Variants in BDH1 observed in about 807,000 individuals in gnomAD.
BDH1 encodes the protein 3-hydroxybutyrate dehydrogenase 1.
Under a neutral mutation model 33.1 loss-of-function variants are expected in BDH1, and 30 were observed. The ratio of observed to expected loss-of-function variants is 0.91; its 90% CI spans 0.68 to 1.23. BDH1 has a LOEUF of 1.23. BDH1 is among the 50% of genes most tolerant of loss of function. BDH1 has a pLI of 0.00. For missense variants in BDH1, 443 were observed against 464.4 expected, an observed-to-expected ratio of 0.95 and a Z score of 0.42; for synonymous variants, 190 against 183.6, an observed-to-expected ratio of 1.03 and a Z score of -0.28.
chr3:197,567,576 G>T (rs1489421499), intron 1 of BDH1, among the ~76,000 whole-genome samples: 1 of 152,152 alleles, frequency 6.6e-6, no homozygotes, highest in Non-Finnish European at 1.5e-5. Context: ...TCTCTAAAAT[G>T]TATAAAACCA....
rs1011724469 is a variant in BDH1 at position 197,542,985 on chromosome 3, C to A, written c.83+3376G>T. ...CTGTGGAAGAGCCTGCTGTCCTCAG[C>A]GCCCTGGTCATCCCGGCCGCATTTG... On this transcript the variant is annotated intron_variant, in intron 3 of 7. Transcript: ENST00000392379. 6.1e-6 allele frequency: 6 copies of A among 985,248 alleles called. No individual in the cohort carries two copies. In the Admixed American group the frequency reaches 1.8e-4, roughly 30 times the overall value. The allele number at this position is 985,248 out of a possible 1,614,324, so 61.0% of individuals were successfully genotyped here.
intron 3 of BDH1, chr3:197,546,058 A>G (rs6770889): frequency 0.31 from 66,242 of 213,348 alleles, 10,757 homozygotes; most frequent in Middle Eastern, 0.42. Context: ...AATCACTTGA[A>G]CCCAGGAGGC....
chr3:197,545,086 T>A (rs1385039398), intron 3 of BDH1, among the ~76,000 whole-genome samples: 1 of 152,202 alleles, frequency 6.6e-6, no homozygotes, highest in Admixed American at 6.5e-5. Flanking sequence ...ATCAGTGTTC[T>A]AGATCCTGGG....
chr3:197,536,262 T>C (rs7649797), intron 3 of BDH1, among the ~76,000 whole-genome samples: 8,891 of 152,282 alleles, frequency 0.058, 322 homozygotes, highest in African/African-American at 0.075. Context: ...ATTTTCTATT[T>C]TGATTCATTG....
rs919213448 is a variant in BDH1, at chr3:197,528,688, G to A, written c.267+3724C>T. 1.3e-5 allele frequency: 2 copies of A among 152,212 alleles called. No homozygotes were observed. Among genetic ancestry groups the A allele is most frequent in the African/African-American group, 4.8e-5 (2 of 41,452 alleles). 9.4% of individuals were successfully genotyped at this position (152,212 alleles called of 1,614,324 possible). A position where few individuals can be genotyped will look rare whatever the true frequency, so the allele number is the denominator to read the frequency against. ...ACAGATATAACCTGCCAATGAGCTT[G>A]TCTGGTACTTTCTTCAAAATACCAG... On this transcript the variant is annotated intron_variant, in intron 5 of 7. Coordinates refer to ENST00000392379, the MANE Select transcript of BDH1 (RefSeq NM_203314.3). This position sits in a 1 kb window ranked among gnomAD's most constrained non-coding sequence, Gnocchi z 5.1.
chr3:197,571,403 T>C (rs1456828798), intron 1 of BDH1, among the ~76,000 whole-genome samples: 2 of 152,142 alleles, frequency 1.3e-5, no homozygotes, highest in Non-Finnish European at 2.9e-5. Context: ...TGGAATGATA[T>C]GGTTTGACTC....
chr3:197,550,788 G>T (rs748896900), intron 2 of BDH1, among the ~76,000 whole-genome samples: 1 of 152,118 alleles, frequency 6.6e-6, no homozygotes, highest in Non-Finnish European at 1.5e-5. Context: ...AGCAGCAGCC[G>T]CCTCCCATCT....
intron 1 of BDH1, among the ~76,000 whole-genome samples, chr3:197,570,312 G>A (rs554459193): frequency 1.2e-3 from 177 of 152,334 alleles, no homozygotes; most frequent in African/African-American, 4.1e-3. Context: ...GCAGCCTGAC[G>A]CAATACAAAA....
At chr3:197,568,789 G>A (rs1008180038) in intron 1 of BDH1, among the ~76,000 whole-genome samples, 3 of 151,398 alleles carry the variant, frequency 2.0e-5, no homozygotes, top group Non-Finnish European at 2.9e-5. Flanking sequence ...TGCCCATCCT[G>A]CCCTAAGCTA....
chr3:197,549,823 C>T (rs899542197), intron 2 of BDH1, among the ~76,000 whole-genome samples: 5 of 152,170 alleles, frequency 3.3e-5, no homozygotes, highest in Admixed American at 6.5e-5. Context: ...AACTAGGCAG[C>T]TAAGCTATGC....
chr3:197,550,355 A>C (rs1210530884), intron 2 of BDH1, among the ~76,000 whole-genome samples: 1 of 152,154 alleles, frequency 6.6e-6, no homozygotes, highest in Non-Finnish European at 1.5e-5. Flanking sequence ...TCACCAGATT[A>C]GGCTTCGGTG....
At chr3:197,519,805 G>T (rs1713327841) in intron 6 of BDH1, among the ~76,000 whole-genome samples, 1 of 152,172 alleles carries the variant, frequency 6.6e-6, no homozygotes, top group South Asian at 2.1e-4. Context: ...CTGGTCCCAG[G>T]CTCCAGATGT....
intron 5 of BDH1, chr3:197,529,672 A>T (rs1251791413): frequency 6.6e-6 from 1 of 152,214 alleles, no homozygotes; most frequent in African/African-American, 2.4e-5. Context: ...TCACAATTCA[A>T]AGAAGTAAAG....
chr3:197,533,674 G>C, intron 3 of BDH1, 113 bp from the exon 4 acceptor site: 2 of 1,033,578 alleles, frequency 1.9e-6, no homozygotes, highest in Non-Finnish European at 2.9e-6. Context: ...GAGACAGCTT[G>C]CTGGTACAAC....
upstream of BDH1, among the ~76,000 whole-genome samples, chr3:197,560,532 G>A (rs115906218): frequency 0.037 from 5,653 of 152,252 alleles, 332 homozygotes; most frequent in African/African-American, 0.12. Context: ...GCAGTAGGGC[G>A]GATGTGTCAG....
At position 197,528,690 on chromosome 3, in the gene BDH1, C is replaced by G. The variant is rs938582662; in HGVS notation, c.267+3722G>C. ...AGATATAACCTGCCAATGAGCTTGT[C>G]TGGTACTTTCTTCAAAATACCAGTC... On this transcript the variant is annotated intron_variant, in intron 5 of 7. Coordinates refer to ENST00000392379, the MANE Select transcript of BDH1 (RefSeq NM_203314.3). The surrounding 1 kb of genome is among the most constrained non-coding windows in gnomAD (Gnocchi z 5.1). 6.6e-6 allele frequency: 1 copy of G among 152,236 alleles called. No homozygotes were observed. The highest frequency in any genetic ancestry group is 1.5e-5 in the Non-Finnish European group (1 of 68,048). 9.4% of individuals were successfully genotyped at this position (152,236 alleles called of 1,614,324 possible). A position where few individuals can be genotyped will look rare whatever the true frequency, so the allele number is the denominator to read the frequency against.
chr3:197,562,257 G>A (rs377238097), intron 1 of BDH1, among the ~76,000 whole-genome samples: 5 of 152,134 alleles, frequency 3.3e-5, no homozygotes, highest in Admixed American at 1.3e-4. Context: ...TGTTGTTTAA[G>A]GATCCTAATT....
chr3:197,532,558 G>C, intron 4 of BDH1, 36 bp from the exon 5 acceptor site: 1 of 1,534,410 alleles, frequency 6.5e-7, no homozygotes, highest in Non-Finnish European at 9.0e-7. Context: ...TTAGGAACCG[G>C]TGGTACAGGG....
upstream of BDH1, among the ~76,000 whole-genome samples, chr3:197,559,001 C>CTTT (rs796295489): frequency 2.9e-5 from 4 of 137,232 alleles, no homozygotes; most frequent in African/African-American, 5.4e-5. Context: ...GGCAATTGAA[C>CTTT]TTTTTTTTTT....
Sources: gnomAD v4.1 joint callset for allele counts (sites outside exome capture counted in the v4.1 genomes callset) on GRCh38, gnomAD v4.1.1 for gene constraint, Gnocchi (gnomAD v3.1) non-coding constraint, MANE v1.5 for transcripts, NCBI Gene and HGNC (gene_info 2026-07-23, HGNC 2026-07-21) for gene names.